The following TMEM150C variants were observed in gnomAD, a reference collection of about 807,000 sequenced individuals.
TMEM150C encodes tentonin 3.
In TMEM150C, 10 loss-of-function variants were observed where a neutral mutation model predicts 29.9. The ratio of observed to expected loss-of-function variants is 0.33; its 90% CI spans 0.21 to 0.57. The LOEUF is 0.57. TMEM150C is among the 20% of genes least tolerant of loss of function. The pLI, the probability that TMEM150C is intolerant of heterozygous loss-of-function variation, is 0.88. For missense variants in TMEM150C, 251 were observed against 303.6 expected (o/e 0.83, Z 1.29); for synonymous variants, 101 against 112.5 (o/e 0.90, Z 0.64).
At chr4:82,540,500 A>G (rs2110087430) in intron 1 of TMEM150C, among the ~76,000 whole-genome samples, 1 of 152,030 alleles carries the variant, frequency 6.6e-6, no homozygotes, top group East Asian at 1.9e-4. Flanking sequence ...GCTTTTTTCC[A>G]TCTAAGCATT....
At chr4:82,511,492 T>TTTTTTTTTG (rs1724124649) in intron 1 of TMEM150C, among the ~76,000 whole-genome samples, 1 of 149,502 alleles carries the variant, frequency 6.7e-6, no homozygotes, top group African/African-American at 2.5e-5. Flanking sequence ...TTTTTTTTTT[T>TTTTTTTTTG]GAGATAGGGT....
intron 1 of TMEM150C, among the ~76,000 whole-genome samples, chr4:82,506,861 A>C (rs1426856885): frequency 1.3e-5 from 2 of 152,214 alleles, no homozygotes; most frequent in African/African-American, 4.8e-5. Context: ...TGATTGAGTA[A>C]GTAAACCAAT....
intron 5 of TMEM150C, among the ~76,000 whole-genome samples, chr4:82,496,575 A>T (rs1192812770): frequency 6.6e-6 from 1 of 152,230 alleles, no homozygotes; most frequent in Non-Finnish European, 1.5e-5. Flanking sequence ...AGCACAGGAC[A>T]GACTGGCTTA....
intron 7 of TMEM150C, among the ~76,000 whole-genome samples, chr4:82,489,488 T>C (rs932907687): frequency 2.0e-5 from 3 of 152,096 alleles, no homozygotes; most frequent in Non-Finnish European, 2.9e-5. Context: ...TAGCATCTAT[T>C]CTCAATTGGT....
At chr4:82,491,979 G>A (rs1435390744) in intron 6 of TMEM150C, among the ~76,000 whole-genome samples, 3 of 147,348 alleles carry the variant, frequency 2.0e-5, no homozygotes, top group Non-Finnish European at 4.5e-5. Context: ...GTGCTCTGTC[G>A]CCCAGGCTGG....
At chr4:82,501,846 G>A (rs1178740468) in intron 5 of TMEM150C, among the ~76,000 whole-genome samples, 1 of 151,870 alleles carries the variant, frequency 6.6e-6, no homozygotes, top group African/African-American at 2.4e-5. Context: ...TGGGAGACAC[G>A]TCCCACAAAG....
chr4:82,537,186 T>C (rs568968717), intron 1 of TMEM150C, among the ~76,000 whole-genome samples: 23 of 152,142 alleles, frequency 1.5e-4, no homozygotes, highest in African/African-American at 5.1e-4. Context: ...GGGGTTTCAC[T>C]GTGTTAGCCA....
chr4:82,524,200 G>A (rs1365934248), intron 1 of TMEM150C, among the ~76,000 whole-genome samples: 3 of 151,766 alleles, frequency 2.0e-5, no homozygotes, highest in Non-Finnish European at 2.9e-5. Context: ...CCCGGGGGGC[G>A]GAGCTTGCAG....
chr4:82,533,904 G>A (rs1185604140), intron 1 of TMEM150C, among the ~76,000 whole-genome samples: 1 of 152,166 alleles, frequency 6.6e-6, no homozygotes, highest in Non-Finnish European at 1.5e-5. Flanking sequence ...GTTTGTTTTA[G>A]AAGAGGTTAC....
intron 1 of TMEM150C, among the ~76,000 whole-genome samples, chr4:82,506,373 G>C (rs1560485148): frequency 6.6e-6 from 1 of 152,222 alleles, no homozygotes; most frequent in Non-Finnish European, 1.5e-5. Flanking sequence ...TCTTTCAACA[G>C]TTGTGCCTTT....
intron 7 of TMEM150C, among the ~76,000 whole-genome samples, chr4:82,486,322 C>T (rs1418567178): frequency 5.2e-5 from 6 of 116,024 alleles, no homozygotes; most frequent in Admixed American, 5.0e-4. Flanking sequence ...GTGGACAGAG[C>T]GAGACTCCAT....
intron 1 of TMEM150C, among the ~76,000 whole-genome samples, chr4:82,561,558 C>A (rs1725929083): frequency 6.6e-6 from 1 of 150,894 alleles, no homozygotes; most frequent in Non-Finnish European, 1.5e-5. Context: ...GGGGCCGGGG[C>A]CGGGGCCGGG....
intron 5 of TMEM150C, among the ~76,000 whole-genome samples, chr4:82,499,732 A>AG (rs1444902345): frequency 6.6e-6 from 1 of 151,094 alleles, no homozygotes; most frequent in Non-Finnish European, 1.5e-5. Context: ...AAAAAAAAAA[A>AG]AAAAAAAAAA....
intron 1 of TMEM150C, among the ~76,000 whole-genome samples, chr4:82,506,743 T>A (rs1163436972): frequency 6.6e-6 from 1 of 152,268 alleles, no homozygotes; most frequent in Non-Finnish European, 1.5e-5. Flanking sequence ...CTCTATTCAT[T>A]TATTTATGTC....
At chr4:82,553,368 G>A (rs539262415) in intron 1 of TMEM150C, among the ~76,000 whole-genome samples, 1 of 152,286 alleles carries the variant, frequency 6.6e-6, no homozygotes, top group South Asian at 2.1e-4. Flanking sequence ...AAGCCTTAAG[G>A]TACAACATCA....
At position 82,510,193 on chromosome 4, in the gene TMEM150C, C is replaced by T. The variant is rs143162241; in HGVS notation, c.-10-5526G>A. ...ACTTGGGAGGCTGAGGCAGGAGAATCGCTTGAACCCGGGAGGCGGAGGTTG... is the reference window on the plus strand; with the variant it reads ...ACTTGGGAGGCTGAGGCAGGAGAATTGCTTGAACCCGGGAGGCGGAGGTTG... On this transcript the variant is annotated intron_variant, in intron 1 of 7. Coordinates refer to ENST00000449862, the MANE Select transcript of TMEM150C (RefSeq NM_001080506.3). Among the ~76,000 whole-genome samples the T allele has an allele frequency of 3.4e-3, 511 of 152,126 alleles. 4 individuals are homozygous for T. The highest frequency in any genetic ancestry group is 0.012 in the African/African-American group (483 of 41,514).
rs555201021 is a variant in TMEM150C, at chr4:82,524,617, AG to A, written c.-10-19951del. Among the ~76,000 whole-genome samples the A allele has an allele frequency of 6.6e-5, 10 of 152,354 alleles. No individual in the cohort carries two copies. The South Asian group carries it at 2.1e-3, about 32-fold the overall frequency. On this transcript the variant is annotated intron_variant, in intron 1 of 7. Transcript: ENST00000449862. ...TCATTCACTTGACAAGTATTTACCC[AG>A]TGCCTTCCCTGGGTCAGGTATTCTG...
intron 1 of TMEM150C, among the ~76,000 whole-genome samples, chr4:82,544,784 A>AAAAAAAAAAAAC (rs1473260053): frequency 6.6e-6 from 1 of 152,054 alleles, no homozygotes; most frequent in African/African-American, 2.4e-5. Flanking sequence ...GCAAAAAAAA[A>AAAAAAAAAAAAC]CTGAAATGTA....
At chr4:82,495,743 G>A (rs1287812797) in intron 6 of TMEM150C, 4 of 334,586 alleles carry the variant, frequency 1.2e-5, no homozygotes, top group South Asian at 3.4e-5. Flanking sequence ...CCACTGATTC[G>A]GACCACATAA....
Sources: gnomAD v4.1 joint callset for allele counts (sites outside exome capture counted in the v4.1 genomes callset) on GRCh38, gnomAD v4.1.1 for gene constraint, MANE v1.5 for transcripts, NCBI Gene and HGNC (gene_info 2026-07-23, HGNC 2026-07-21) for gene names.